The following CSMD1 variants were observed in gnomAD, a reference collection of about 807,000 sequenced individuals.
CSMD1 encodes the protein CUB and sushi domain-containing protein 1.
Under a neutral mutation model 417.5 loss-of-function variants are expected in CSMD1, and 213 were observed. The observed-to-expected ratio is 0.51, with a 90% CI of 0.46 to 0.57. The LOEUF is 0.57. Among genes scored for constraint, CSMD1 ranks in the 20% least tolerant of loss-of-function variants. The pLI is 0.00. For synonymous variants in CSMD1, 2,862 were observed against 1,736.8 expected (o/e 1.65, Z -16.11); for missense variants, 6,923 against 4,529.7 (o/e 1.53, Z -15.17).
At chr8:4,789,607 C>T (rs1020289936) in intron 1 of CSMD1, among the ~76,000 whole-genome samples, 4 of 152,120 alleles carry the variant, frequency 2.6e-5, no homozygotes, top group Non-Finnish European at 2.9e-5. Flanking sequence ...GTTTTTCTCA[C>T]TCCAGTGTGG....
intron 21 of CSMD1, among the ~76,000 whole-genome samples, chr8:3,356,369 G>C (rs1233490557): frequency 1.3e-5 from 2 of 152,190 alleles, no homozygotes; most frequent in South Asian, 4.1e-4. Flanking sequence ...TCTGAGGAGG[G>C]AGACAAAGAG....
chr8:3,429,971 T>C (rs1033458203), intron 12 of CSMD1, among the ~76,000 whole-genome samples: 2 of 152,048 alleles, frequency 1.3e-5, no homozygotes, highest in East Asian at 3.9e-4. Context: ...GATATCTGTA[T>C]GTATGTATGT....
At chr8:3,543,690 A>G (rs1483509988) in intron 10 of CSMD1, among the ~76,000 whole-genome samples, 1 of 151,974 alleles carries the variant, frequency 6.6e-6, no homozygotes, top group African/African-American at 2.4e-5. Context: ...TGAGAGGAAC[A>G]GGTTTTGTAG....
intron 2 of CSMD1, among the ~76,000 whole-genome samples, chr8:4,637,064 C>G (rs1215203793): frequency 6.6e-6 from 1 of 152,106 alleles, no homozygotes; most frequent in East Asian, 1.9e-4. Flanking sequence ...GGCACAAAAG[C>G]AGCCCAACGG....
chr8:3,502,493 C>T (rs2117349350), intron 10 of CSMD1, among the ~76,000 whole-genome samples: 2 of 151,874 alleles, frequency 1.3e-5, no homozygotes, highest in East Asian at 1.9e-4. Context: ...AATGGATAAA[C>T]TGTGGTATAT....
intron 3 of CSMD1, among the ~76,000 whole-genome samples, chr8:4,315,754 C>T (rs191773151): frequency 1.3e-5 from 2 of 152,222 alleles, no homozygotes; most frequent in East Asian, 3.9e-4. Context: ...ATGAAAGCAA[C>T]TAGCTGGTCA....
chr8:3,806,389 A>T (rs73658285), intron 5 of CSMD1, among the ~76,000 whole-genome samples: 1 of 152,186 alleles, frequency 6.6e-6, no homozygotes, highest in South Asian at 2.1e-4. Flanking sequence ...AGCCTGTGGG[A>T]CACAAAAGCG....
At chr8:3,219,922 A>G (rs185977056) in intron 28 of CSMD1, among the ~76,000 whole-genome samples, 1 of 152,088 alleles carries the variant, frequency 6.6e-6, no homozygotes, top group Non-Finnish European at 1.5e-5. Context: ...TCTTACTTTT[A>G]TTTTTACTTA....
intron 2 of CSMD1, among the ~76,000 whole-genome samples, chr8:4,536,069 G>A (rs1018656517): frequency 1.3e-5 from 2 of 152,158 alleles, no homozygotes; most frequent in African/African-American, 4.8e-5. Flanking sequence ...TGTTTTCATA[G>A]GGCGTGCCCC....
chr8:4,072,655 C>G (rs1387139399), intron 3 of CSMD1, among the ~76,000 whole-genome samples: 1 of 152,152 alleles, frequency 6.6e-6, no homozygotes. Flanking sequence ...TTAAGGAAGG[C>G]TTCCCCTTTA....
intron 26 of CSMD1, among the ~76,000 whole-genome samples, chr8:3,272,670 G>A (rs1000322156): frequency 1.4e-5 from 2 of 138,948 alleles, no homozygotes; most frequent in South Asian, 2.4e-4. Flanking sequence ...TGGATTCCTA[G>A]GTATTTTATT....
chr8:3,888,805 A>T (rs555242253), intron 5 of CSMD1, among the ~76,000 whole-genome samples: 1 of 152,276 alleles, frequency 6.6e-6, no homozygotes, highest in East Asian at 1.9e-4. Context: ...CCCTTCTAAA[A>T]TGAGCTAAGA....
intron 17 of CSMD1, 43 bp from the exon 18 acceptor site, chr8:3,387,725 T>A: frequency 6.6e-7 from 1 of 1,512,524 alleles, no homozygotes; most frequent in Non-Finnish European, 9.0e-7. Flanking sequence ...ATCTTTCTGG[T>A]TGATTGAAAA....
chr8:4,366,702 C>A (rs980206874), intron 3 of CSMD1, among the ~76,000 whole-genome samples: 16 of 151,110 alleles, frequency 1.1e-4, no homozygotes, highest in African/African-American at 2.4e-4. Flanking sequence ...TTTTCTTTTT[C>A]TTTTATTTTA....
chr8:4,789,865 C>T (rs1227793391), intron 1 of CSMD1, among the ~76,000 whole-genome samples: 1 of 152,122 alleles, frequency 6.6e-6, no homozygotes, highest in Non-Finnish European at 1.5e-5. Flanking sequence ...TTTTAGTACT[C>T]TTTTATTTTA....
intron 3 of CSMD1, among the ~76,000 whole-genome samples, chr8:4,270,095 T>C (rs1804488422): frequency 1.3e-5 from 2 of 152,178 alleles, no homozygotes; most frequent in Admixed American, 1.3e-4. Context: ...ATCAGATCAA[T>C]ATTTCAGCAA....
intron 3 of CSMD1, among the ~76,000 whole-genome samples, chr8:4,062,220 G>T (rs17063225): frequency 0.015 from 2,290 of 152,166 alleles, 65 homozygotes; most frequent in African/African-American, 0.052. Context: ...TACGGGCCAG[G>T]TTCACACAAG....
chr8:3,028,015 C>T (rs563350559), intron 51 of CSMD1, among the ~76,000 whole-genome samples: 7 of 152,168 alleles, frequency 4.6e-5, no homozygotes, highest in African/African-American at 1.4e-4. Context: ...CCATTTGGCA[C>T]GGCCCTGCTC....
chr8:3,699,217 T>C (rs939075091), intron 7 of CSMD1, among the ~76,000 whole-genome samples: 1 of 152,240 alleles, frequency 6.6e-6, no homozygotes, highest in Non-Finnish European at 1.5e-5. Flanking sequence ...GCACACAATG[T>C]AGACTGACAA....
Sources: allele counts gnomAD v4.1 joint callset (sites outside exome capture counted in the v4.1 genomes callset), GRCh38; gene constraint gnomAD v4.1.1; transcripts MANE v1.5; gene names NCBI Gene and HGNC (gene_info 2026-07-23, HGNC 2026-07-21).